The following KIDINS220 variants were observed in gnomAD, a reference collection of about 807,000 sequenced individuals.
The protein encoded by KIDINS220 is kinase D interacting substrate 220, also known as kinase D-interacting substrate of 220 kDa.
A neutral mutation model predicts 157.6 loss-of-function variants in KIDINS220; 63 were observed. That is an observed-to-expected ratio of 0.40 (90% CI 0.33 to 0.49). The LOEUF (loss-of-function observed/expected upper bound fraction) is 0.49. Ranked by LOEUF, KIDINS220 falls within the 20% of genes least tolerant of loss-of-function variation. The pLI is 0.66. For synonymous variants in KIDINS220, 732 were observed against 783.6 expected (o/e 0.93, Z 1.10); for missense variants, 1,772 against 2,171.2 (o/e 0.82, Z 3.65).
rs1214512185 is a variant in KIDINS220 at position 8,778,494 on chromosome 2, T to G, written c.2703+145A>C. ...AGGTGCAGACATTCCCTGAAACACA[T>G]GAAGCTGAAAGGAAATTCAATGATA... On this transcript the variant is annotated intron_variant, in intron 20 of 29. Coordinates refer to ENST00000256707, the MANE Select transcript of KIDINS220 (RefSeq NM_020738.4). 5 of 695,514 alleles carry G rather than the reference T, an allele frequency of 7.2e-6. No homozygotes were observed. In the Admixed American group the frequency reaches 1.1e-4, roughly 15 times the overall value. The allele number at this position is 695,514 out of a possible 1,614,324, so 43.1% of individuals were successfully genotyped here.
At position 8,729,638 on chromosome 2, in the gene KIDINS220, T is replaced by TA. The variant is rs1487066129; in HGVS notation, c.*1081dup. 5 of 981,960 alleles carry TA rather than the reference T, an allele frequency of 5.1e-6. No individual in the cohort carries two copies. In the South Asian group the frequency reaches 1.9e-4, roughly 37 times the overall value. 60.8% of individuals were successfully genotyped at this position (981,960 alleles called of 1,614,324 possible). On this transcript the variant is annotated 3_prime_UTR_variant, in exon 30 of 30. Transcript: ENST00000256707. ...TGTTACATGTTTCCAAATTTTTTTT[T>TA]AAAAAGTATTTCCTTTCTTATGATC...
At chr2:8,797,216 C>T (rs1674092666) in intron 10 of KIDINS220, among the ~76,000 whole-genome samples, 1 of 152,204 alleles carries the variant, frequency 6.6e-6, no homozygotes, top group East Asian at 1.9e-4. Flanking sequence ...CAACCCACAG[C>T]CCAGCCTGTC....
At chr2:8,790,114 T>A in intron 13 of KIDINS220, 55 bp from the exon 14 acceptor site, 2 of 1,491,826 alleles carry the variant, frequency 1.3e-6, no homozygotes, top group Non-Finnish European at 1.8e-6. Context: ...GAAATACAAC[T>A]TTTAACTCAA....
Position 8,790,986 on chromosome 2 carries a change from C to T in KIDINS220, c.1441+74G>A, listed in dbSNP as rs376022684. The T allele has an allele frequency of 3.3e-4, 468 of 1,414,608 alleles. 4 individuals carry two copies. In the South Asian group the frequency reaches 5.0e-3, roughly 15 times the overall value. The allele number at this position is 1,414,608 out of a possible 1,614,324, so 87.6% of individuals were successfully genotyped here. ...CATGCTTATACAGAAAGTGGTCTTC[C>T]TCTTTATTTCAGAAAAATCCCCAGA... On this transcript the variant is annotated intron_variant, in intron 13 of 29. Coordinates refer to ENST00000256707, the MANE Select transcript of KIDINS220 (RefSeq NM_020738.4).
chr2:8,770,626 T>C, intron 22 of KIDINS220, 44 bp downstream of exon 22: 1 of 1,040,568 alleles, frequency 9.6e-7, no homozygotes, highest in Non-Finnish European at 1.4e-6. Context: ...TTTTTTTAAC[T>C]CAACCTAAAA....
intron 18 of KIDINS220, among the ~76,000 whole-genome samples, chr2:8,779,382 C>A (rs2148209924): frequency 6.6e-6 from 1 of 152,326 alleles, no homozygotes; most frequent in South Asian, 2.1e-4. Flanking sequence ...CATTTACAGT[C>A]TGCTAAAGAG....
At chr2:8,788,860 G>C in intron 14 of KIDINS220, 48 bp from the exon 15 acceptor site, 1 of 1,537,548 alleles carries the variant, frequency 6.5e-7, no homozygotes, top group Non-Finnish European at 8.9e-7. Flanking sequence ...CACTAGTCAA[G>C]CAGATCTTTT....
intron 9 of KIDINS220, among the ~76,000 whole-genome samples, chr2:8,799,931 C>T (rs749216287): frequency 3.9e-5 from 6 of 152,128 alleles, no homozygotes; most frequent in Non-Finnish European, 7.3e-5. Context: ...AAGCAATGTC[C>T]ATAGGCACTA....
At chr2:8,766,138 C>A (rs1260904604) in intron 22 of KIDINS220, among the ~76,000 whole-genome samples, 1 of 152,114 alleles carries the variant, frequency 6.6e-6, no homozygotes, top group Admixed American at 6.5e-5. Flanking sequence ...AAGTCCTTAC[C>A]ATGGTCCTCC....
chr2:8,771,805 T>C (rs1670274360), intron 21 of KIDINS220, among the ~76,000 whole-genome samples: 1 of 152,162 alleles, frequency 6.6e-6, no homozygotes, highest in Non-Finnish European at 1.5e-5. Context: ...GAAATTATAT[T>C]TTCATGGCTG....
At chr2:8,818,669 G>A in intron 3 of KIDINS220, 26 bp downstream of exon 3, 3 of 1,295,454 alleles carry the variant, frequency 2.3e-6, no homozygotes, top group Admixed American at 3.9e-5. Context: ...GTGAGTAAAT[G>A]ATGAGTAAAT....
At chr2:8,816,218 C>T (rs1026772963) in intron 4 of KIDINS220, among the ~76,000 whole-genome samples, 1 of 152,182 alleles carries the variant, frequency 6.6e-6, no homozygotes, top group African/African-American at 2.4e-5. Context: ...AATCTTAATA[C>T]ATTTTTACAC....
chr2:8,815,396 CAAA>C (rs70946387), intron 4 of KIDINS220, among the ~76,000 whole-genome samples: 1 of 116,594 alleles, frequency 8.6e-6, no homozygotes. Context: ...GACCCTGTCT[CAAA>C]AAAAAAAAAA....
At chr2:8,811,135 T>A (rs1468608747) in intron 6 of KIDINS220, among the ~76,000 whole-genome samples, 1 of 152,162 alleles carries the variant, frequency 6.6e-6, no homozygotes, top group Admixed American at 6.5e-5. Flanking sequence ...TTAAAGAAAT[T>A]TATGCACAGA....
intron 15 of KIDINS220, 40 bp from the exon 16 acceptor site, chr2:8,786,397 A>G: frequency 6.6e-7 from 1 of 1,504,262 alleles, no homozygotes; most frequent in Non-Finnish European, 9.2e-7. Flanking sequence ...TTTATTATCT[A>G]AAGTAACAAA....
chr2:8,815,957 T>C (rs1438137133), intron 4 of KIDINS220, among the ~76,000 whole-genome samples: 1 of 152,112 alleles, frequency 6.6e-6, no homozygotes, highest in Non-Finnish European at 1.5e-5. Context: ...AGGGACTCTG[T>C]CTTCCCTCAA....
rs751385454 is a variant in KIDINS220, at chr2:8,802,960, G to A, written c.771C>T (p.Asp257=). The part of the protein sequence containing the change: ...GHTEIVQDLL[D]AGTYVNIPDR... ...CAGGTATGTTCACATATGTTCCAGCGTCGAGCAGATCCTGCACAATCTCCG... is the reference window on the plus strand; with the variant it reads ...CAGGTATGTTCACATATGTTCCAGCATCGAGCAGATCCTGCACAATCTCCG... The change falls in exon 8 of 30, where the codon GAC becomes GAT. Residue 257 remains aspartate, a synonymous_variant. Transcript: ENST00000256707. 1.2e-4 allele frequency: 188 copies of A among 1,613,760 alleles called. 2 individuals carry two copies. In the East Asian group the frequency reaches 2.6e-3, roughly 23 times the overall value.
At position 8,731,992 on chromosome 2, in the gene KIDINS220, C is replaced by A. The variant is rs1168388645; in HGVS notation, c.4054-10G>T. 1.9e-5 allele frequency: 29 copies of A among 1,517,322 alleles called. No homozygotes were observed. The highest frequency in any genetic ancestry group is 4.2e-5 in the African/African-American group (3 of 70,992). 94.0% of individuals were successfully genotyped at this position (1,517,322 alleles called of 1,614,324 possible). On this transcript the variant is annotated splice_polypyrimidine_tract_variant and intron_variant, in intron 29 of 29. Transcript: ENST00000256707. This position sits in a 1 kb window ranked among gnomAD's most constrained non-coding sequence, Gnocchi z 5.2. ...TTCTGCGAGTTTGTGACTGTGAAGA[C>A]AGAAAAAAAATAATTTAAAAATTCA... is the stretch of plus-strand genomic sequence containing the variant.
In KIDINS220 at chr2:8,779,696, T is replaced by C. The variant is rs374203032; in HGVS notation, c.2348A>G (p.Lys783Arg). Residue 783 changes from lysine (K) to arginine (R), a missense_variant, in exon 18 of 30, where the codon AAA becomes AGA. By Grantham distance (26) the Lys-to-Arg change is conservative. This residue lies in a region of KIDINS220 where 725 missense variants were observed against 1,017.1 expected (regional missense o/e 0.71). Transcript: ENST00000256707. ...TACAGTGTCCAGCATCTGAAGGACTTTGTCCTGCTCACAGGCATCTAATCC... is the reference window on the plus strand; with the variant it reads ...TACAGTGTCCAGCATCTGAAGGACTCTGTCCTGCTCACAGGCATCTAATCC... ...IDGLDACEQD[K>R]VLQMLDTVRV... is the part of the protein sequence containing the mutation. 31 of 1,614,032 alleles carry C rather than the reference T, an allele frequency of 1.9e-5. No individual in the cohort carries two copies. Among genetic ancestry groups the C allele is most frequent in the Middle Eastern group, 1.6e-4 (1 of 6,084 alleles).
Sources: gnomAD v4.1 joint callset for allele counts (sites outside exome capture counted in the v4.1 genomes callset) on GRCh38, gnomAD v4.1.1 for gene constraint, gnomAD v4.1.1 regional missense constraint, Gnocchi (gnomAD v3.1) non-coding constraint, MANE v1.5 for transcripts, NCBI Gene and HGNC (gene_info 2026-07-23, HGNC 2026-07-21) for gene names.